The following NCAPH2 variants were observed in gnomAD, a reference collection of about 807,000 sequenced individuals.
NCAPH2 encodes condensin-2 complex subunit H2.
NCAPH2 carries 56 observed loss-of-function variants against 88.6 expected under a neutral mutation model. The ratio of observed to expected loss-of-function variants is 0.63; its 90% confidence interval spans 0.51 to 0.79. NCAPH2 has a LOEUF of 0.79. Ranked by LOEUF, NCAPH2 falls within the 30% of genes least tolerant of loss-of-function variation. The pLI, the probability that NCAPH2 is intolerant of heterozygous loss-of-function variation, is 0.00. For missense variants in NCAPH2, 794 were observed against 792.0 expected (o/e 1.00, Z -0.03); for synonymous variants, 378 against 313.6 (o/e 1.21, Z -2.17).
intron 1 of NCAPH2, among the ~76,000 whole-genome samples, chr22:50,512,507 A>T (rs1246840453): frequency 7.0e-6 from 1 of 143,122 alleles, no homozygotes; most frequent in Non-Finnish European, 1.5e-5. Flanking sequence ...TTTTCCACAC[A>T]CTACCATGAT....
chr22:50,521,427 C>T (rs537250350), intron 10 of NCAPH2, 116 bp from the exon 11 acceptor site: 82 of 865,942 alleles, frequency 9.5e-5, no homozygotes, highest in Middle Eastern at 4.1e-4. Context: ...TTTGGGAGCG[C>T]GGCTGTGTAC....
intron 1 of NCAPH2, chr22:50,515,825 C>T: frequency 1.6e-6 from 2 of 1,281,108 alleles, no homozygotes; most frequent in Non-Finnish European, 2.0e-6. Flanking sequence ...ACTCTGTGGA[C>T]AGCTATGAAT....
chr22:50,513,371 G>A (rs1393749864), intron 1 of NCAPH2, among the ~76,000 whole-genome samples: 1 of 152,102 alleles, frequency 6.6e-6, no homozygotes, highest in African/African-American at 2.4e-5. Flanking sequence ...AGCCGAGGTG[G>A]CTCACGCCTG....
In NCAPH2 at chr22:50,521,804, G is replaced by A. The variant is rs752152763; in HGVS notation, c.1064G>A (p.Gly355Asp). The change falls in exon 12 of 20, where the codon GGC (glycine) becomes GAC (aspartate). Residue 355 changes from glycine (G) to aspartate (D), a missense_variant. Physicochemically the swap from Gly to Asp is moderately conservative, Grantham distance 94. This residue lies in a region of NCAPH2 where 735 missense variants were observed against 696.3 expected (regional missense o/e 1.06). Coordinates refer to ENST00000420993, the MANE Select transcript of NCAPH2 (RefSeq NM_152299.4). The part of the protein sequence containing the change: ...EALGQKRKRK[G>D]AAKLQDFHQW... Reference sequence around the variant, plus strand: ...CTGGGACAGAAGCGCAAGAGGAAGGGCGCTGCCAAGCTGCAGGACTTCCAC... The same window carrying A: ...CTGGGACAGAAGCGCAAGAGGAAGGACGCTGCCAAGCTGCAGGACTTCCAC... The A allele has an allele frequency of 2.5e-6, 4 of 1,613,924 alleles. No individual in the cohort carries two copies. The highest frequency in any genetic ancestry group is 2.5e-6 in the Non-Finnish European group (3 of 1,180,034).
Position 50,524,716 on chromosome 22 carries a change from C to G in NCAPH2, c.*1341C>G, listed in dbSNP as rs1039038943. ...AACCTCTTGCTGACGGAAAGCATTC[C>G]AAGTGCATGCCTTGCCTGAACTAAC... is the stretch of plus-strand genomic sequence containing the variant. On this transcript the variant is annotated 3_prime_UTR_variant, in exon 20 of 20. Transcript: ENST00000420993. 4.9e-6 allele frequency: 3 copies of G among 615,446 alleles called. No individual in the cohort carries two copies. The highest frequency in any genetic ancestry group is 9.4e-6 in the Non-Finnish European group (3 of 320,160). 38.1% of individuals were successfully genotyped at this position (615,446 alleles called of 1,614,324 possible).
chr22:50,519,176 T>C lies in NCAPH2; in HGVS notation c.731-14T>C. ...CACTCCTTGGAGCTGATCACTCTCT[T>C]GCTCCCTGCCTAGGCCCCTCTCCAG... On this transcript the variant is annotated splice_polypyrimidine_tract_variant and intron_variant, in intron 8 of 19. Transcript: ENST00000420993. The C allele has an allele frequency of 3.1e-6, 5 of 1,599,286 alleles. No homozygotes were observed. Among genetic ancestry groups the C allele is most frequent in the Non-Finnish European group, 4.3e-6 (5 of 1,174,386 alleles).
chr22:50,517,512 C>A, intron 3 of NCAPH2, 30 bp downstream of exon 3: 1 of 1,613,972 alleles, frequency 6.2e-7, no homozygotes, highest in South Asian at 1.1e-5. Context: ...ACTGTGCTGC[C>A]CTGCATGTGG....
Position 50,524,776 on chromosome 22 carries a change from A to C in NCAPH2, c.*1401A>C. 7.1e-6 allele frequency: 3 copies of C among 423,762 alleles called. No homozygotes were observed. The highest frequency in any genetic ancestry group is 9.5e-6 in the Non-Finnish European group (2 of 209,572). The allele number at this position is 423,762 out of a possible 1,614,324, so 26.3% of individuals were successfully genotyped here. A position where few individuals can be genotyped will look rare whatever the true frequency, so the allele number is the denominator to read the frequency against. The stretch of plus-strand genomic sequence containing the variant: ...TATTTGCAATAAACCCATTTCTTAA[A>C]AGGAGGTGGGTAACTCTCTGGCTTG... On this transcript the variant is annotated 3_prime_UTR_variant, in exon 20 of 20. Transcript: ENST00000420993.
intron 1 of NCAPH2, among the ~76,000 whole-genome samples, chr22:50,513,675 T>C (rs890227259): frequency 8.5e-5 from 13 of 152,092 alleles, no homozygotes; most frequent in Non-Finnish European, 5.9e-5. Flanking sequence ...GGCAGGAAAA[T>C]CACTTGAACC....
At chr22:50,515,667 A>G in intron 1 of NCAPH2, 2 of 1,246,018 alleles carry the variant, frequency 1.6e-6, no homozygotes, top group Admixed American at 5.7e-5. Context: ...AAGTGCTGGG[A>G]TTACAGGTGT....
chr22:50,510,258 C>T (rs947018829), intron 1 of NCAPH2, among the ~76,000 whole-genome samples: 1 of 151,252 alleles, frequency 6.6e-6, no homozygotes, highest in Non-Finnish European at 1.5e-5. Context: ...CTTCATATGG[C>T]AAGGAAAAGG....
Position 50,521,775 on chromosome 22 carries a change from G to A in NCAPH2, c.1035G>A (p.Glu345=), listed in dbSNP as rs534387111. ...RPYSVPPCVE[E]ALGQKRKRKG... ...ACTCTGTGCCCCCCTGTGTGGAGGA[G>A]GCTCTGGGACAGAAGCGCAAGAGGA... The change falls in exon 12 of 20, where the codon GAG becomes GAA. Residue 345 remains glutamate, a synonymous_variant. Transcript: ENST00000420993. 119 of 1,614,014 alleles carry A rather than the reference G, an allele frequency of 7.4e-5. No individual in the cohort carries two copies. The highest frequency in any genetic ancestry group is 9.6e-5 in the Non-Finnish European group (113 of 1,180,048).
chr22:50,523,726 T>C lies in NCAPH2; in HGVS notation c.*351T>C. ...GAAGAGGCCGTCAGGGTTGAGCAGG[T>C]AGATGGCAATGGAGTGGTCCACGAT... On this transcript the variant is annotated 3_prime_UTR_variant, in exon 20 of 20. Coordinates refer to ENST00000420993, the MANE Select transcript of NCAPH2 (RefSeq NM_152299.4). 1 of 1,614,120 alleles carries C rather than the reference T, an allele frequency of 6.2e-7. No homozygotes were observed. Among genetic ancestry groups the C allele is most frequent in the South Asian group, 1.1e-5 (1 of 91,078 alleles).
chr22:50,514,559 A>G (rs1382986396), intron 1 of NCAPH2, among the ~76,000 whole-genome samples: 2 of 152,162 alleles, frequency 1.3e-5, no homozygotes, highest in Admixed American at 6.5e-5. Context: ...TGAGAAGACA[A>G]GTGAAGCCCA....
At chr22:50,514,218 C>T (rs954433218) in intron 1 of NCAPH2, among the ~76,000 whole-genome samples, 18 of 152,084 alleles carry the variant, frequency 1.2e-4, no homozygotes, top group African/African-American at 4.1e-4. Flanking sequence ...CCTCTGGCTC[C>T]GTTTAGGATT....
rs951925240 is a variant in NCAPH2 at position 50,523,457 on chromosome 22, C to T, written c.*82C>T. 1 of 1,525,964 alleles carries T rather than the reference C, an allele frequency of 6.6e-7. No individual in the cohort carries two copies. The highest frequency in any genetic ancestry group is 8.8e-7 in the Non-Finnish European group (1 of 1,134,956). The allele number at this position is 1,525,964 out of a possible 1,614,324, so 94.5% of individuals were successfully genotyped here. On this transcript the variant is annotated 3_prime_UTR_variant, in exon 20 of 20. Transcript: ENST00000420993. Reference sequence around the variant, plus strand: ...TCCTGGCTGGCCCGGCCTAATAAAGCAGTGTTGCCATCTCATCTTCCCCCT... The same window carrying T: ...TCCTGGCTGGCCCGGCCTAATAAAGTAGTGTTGCCATCTCATCTTCCCCCT...
Position 50,522,822 on chromosome 22 carries a change from A to C in NCAPH2, c.1427A>C (p.Glu476Ala), listed in dbSNP as rs1808687588. Residue 476 changes from glutamate (E) to alanine (A), a missense_variant and splice_region_variant, in exon 18 of 20, where the codon GAG becomes GCG. Coordinates refer to ENST00000420993, the MANE Select transcript of NCAPH2 (RefSeq NM_152299.4). ...SYEELVRRNVELFIATSQKFV... is the reference protein window; with the variant it reads ...SYEELVRRNVALFIATSQKFV... ...TAGCTCCTGCTGATCCTCCCCTAGGAGCTCTTCATCGCCACCTCCCAGAAG... is the reference window on the plus strand; with the variant it reads ...TAGCTCCTGCTGATCCTCCCCTAGGCGCTCTTCATCGCCACCTCCCAGAAG... The C allele has an allele frequency of 6.2e-7, 1 of 1,612,994 alleles. No homozygotes were observed. The highest frequency in any genetic ancestry group is 8.5e-7 in the Non-Finnish European group (1 of 1,179,694).
chr22:50,521,946 A>T, intron 12 of NCAPH2, 40 bp from the exon 13 acceptor site: 1 of 1,613,786 alleles, frequency 6.2e-7, no homozygotes, highest in African/African-American at 1.3e-5. Context: ...TGCTGTGGGC[A>T]GCTCTTGGCC....
chr22:50,523,149 C>G lies in NCAPH2; in HGVS notation c.1660C>G (p.Leu554Val), dbSNP rs140482727. Residue 554 changes from leucine (L) to valine (V), a missense_variant, in exon 19 of 20, where the codon CTG becomes GTG. Leu to Val is a conservative substitution (Grantham distance 32). Coordinates refer to ENST00000420993, the MANE Select transcript of NCAPH2 (RefSeq NM_152299.4). ...GGCCTTCGAGGTGTGTCGTTCCATG[C>G]TGGCCTCCCTGCAGCTGGTGAGTAG... ...QPAFEVCRSM[L>V]ASLQLANDYT... The G allele has an allele frequency of 1.7e-4, 274 of 1,613,642 alleles. No homozygotes were observed. Among genetic ancestry groups the G allele is most frequent in the Non-Finnish European group, 2.2e-4 (262 of 1,179,934 alleles).
Sources: allele counts gnomAD v4.1 joint callset (sites outside exome capture counted in the v4.1 genomes callset), GRCh38; gene constraint gnomAD v4.1.1; regional missense constraint gnomAD v4.1.1; transcripts MANE v1.5; gene names NCBI Gene and HGNC (gene_info 2026-07-23, HGNC 2026-07-21).